Variants in NAALADL2 observed in about 807,000 individuals in gnomAD.
The protein encoded by NAALADL2 is inactive N-acetylated-alpha-linked acidic dipeptidase-like protein 2.
Under a neutral mutation model 87.2 loss-of-function variants are expected in NAALADL2, and 76 were observed. The observed-to-expected ratio is 0.87, with a 90% CI of 0.72 to 1.05. The LOEUF (loss-of-function observed/expected upper bound fraction) is 1.05. Ranked by LOEUF, NAALADL2 falls within the 50% of genes least tolerant of loss-of-function variation. NAALADL2 has a pLI of 0.00. For missense variants in NAALADL2, 1,089 were observed against 945.8 expected (o/e 1.15, Z -1.99); for synonymous variants, 354 against 331.0 (o/e 1.07, Z -0.75).
intron 4 of NAALADL2, among the ~76,000 whole-genome samples, chr3:175,287,550 A>G (rs934303248): frequency 2.6e-5 from 4 of 152,202 alleles, no homozygotes; most frequent in African/African-American, 7.2e-5. Context: ...CCCAGGTTAC[A>G]CAGATGATGA....
At position 175,781,681 on chromosome 3, in the gene NAALADL2, TAAA is replaced by T. The variant is rs373126687; in HGVS notation, c.2190-21317_2190-21315del. Among the ~76,000 whole-genome samples, 489 of 150,650 alleles carry T rather than the reference TAAA, an allele frequency of 3.2e-3. 2 individuals carry two copies. Among genetic ancestry groups the T allele is most frequent in the African/African-American group, 0.011 (464 of 41,124 alleles). ...AAAAAAAAAAAAAAAGTTTAAAAGGTAAAAAAAAATTAACATAACGCTTTTATT... is the reference window on the plus strand; with the variant it reads ...AAAAAAAAAAAAAAAGTTTAAAAGGTAAAAAATTAACATAACGCTTTTATT... On this transcript the variant is annotated intron_variant, in intron 13 of 13. Transcript: ENST00000454872.
intron 4 of NAALADL2, among the ~76,000 whole-genome samples, chr3:175,300,816 C>T (rs1309116043): frequency 3.3e-5 from 5 of 149,758 alleles, no homozygotes; most frequent in Non-Finnish European, 5.9e-5. Context: ...ATTTTGAGCT[C>T]ACTGCAACCT....
rs1681226770 is a variant in NAALADL2 at position 175,807,303 on chromosome 3, A to G, written c.*4100A>G. The G allele has an allele frequency of 6.6e-6, 1 of 151,982 alleles. No individual in the cohort carries two copies. Among genetic ancestry groups the G allele is most frequent in the South Asian group, 2.1e-4 (1 of 4,836 alleles). 9.4% of individuals were successfully genotyped at this position (151,982 alleles called of 1,614,324 possible). On this transcript the variant is annotated 3_prime_UTR_variant, in exon 14 of 14. Transcript: ENST00000454872. ...CGTAGAGCATATAGTAAGTTTCCCCACAGGAAAGACAGATGTTAACAAAAA... is the reference window on the plus strand; with the variant it reads ...CGTAGAGCATATAGTAAGTTTCCCCGCAGGAAAGACAGATGTTAACAAAAA...
chr3:175,776,665 A>C (rs1750286401), intron 13 of NAALADL2, among the ~76,000 whole-genome samples: 1 of 152,140 alleles, frequency 6.6e-6, no homozygotes, highest in African/African-American at 2.4e-5. Context: ...ATTTTGCTTA[A>C]TAAAAATTCT....
At chr3:175,570,782 A>G (rs1034944531) in intron 9 of NAALADL2, among the ~76,000 whole-genome samples, 1 of 150,984 alleles carries the variant, frequency 6.6e-6, no homozygotes, top group Non-Finnish European at 1.5e-5. Context: ...CGGGAGACTG[A>G]GGCAGGAGAA....
intron 9 of NAALADL2, among the ~76,000 whole-genome samples, chr3:175,482,177 A>G (rs1167906979): frequency 1.3e-5 from 2 of 152,130 alleles, no homozygotes; most frequent in South Asian, 4.1e-4. Flanking sequence ...CTCAGCATGA[A>G]TGTTAAAGTA....
At chr3:174,586,017 C>G (rs1716676051) in intron 2 of NAALADL2, among the ~76,000 whole-genome samples, 1 of 152,142 alleles carries the variant, frequency 6.6e-6, no homozygotes. Flanking sequence ...TGAAAAGTTT[C>G]TAGAATAGTG....
At chr3:174,839,836 A>AT (rs897921814) in intron 3 of NAALADL2, among the ~76,000 whole-genome samples, 7 of 151,456 alleles carry the variant, frequency 4.6e-5, no homozygotes, top group South Asian at 2.1e-4. Flanking sequence ...AATAAAAAAA[A>AT]AATAATAAAA....
intron 1 of NAALADL2, among the ~76,000 whole-genome samples, chr3:174,916,394 T>C (rs531085541): frequency 1.3e-5 from 2 of 152,230 alleles, no homozygotes; most frequent in Admixed American, 1.3e-4. Flanking sequence ...TAAGTCACTA[T>C]ATGAAAAAGA....
At chr3:174,517,851 T>A (rs1395387753) in intron 1 of NAALADL2, among the ~76,000 whole-genome samples, 2 of 152,158 alleles carry the variant, frequency 1.3e-5, no homozygotes, top group Non-Finnish European at 2.9e-5. Flanking sequence ...AAACAGAATG[T>A]CATTTTAAAA....
intron 4 of NAALADL2, among the ~76,000 whole-genome samples, chr3:175,295,154 A>G (rs914056466): frequency 6.6e-6 from 1 of 152,206 alleles, no homozygotes; most frequent in African/African-American, 2.4e-5. Context: ...AAATTCAGAA[A>G]TGAGATAATA....
intron 2 of NAALADL2, among the ~76,000 whole-genome samples, chr3:175,170,462 TATATATAAATATAATATA>T (rs1285673028): frequency 3.4e-5 from 5 of 146,692 alleles, no homozygotes; most frequent in Non-Finnish European, 3.0e-5. Context: ...ATAAATATAA[TATATATAAATATAATATA>T]ATATATAAAT....
At chr3:175,712,777 G>A (rs1275406447) in intron 11 of NAALADL2, among the ~76,000 whole-genome samples, 1 of 152,020 alleles carries the variant, frequency 6.6e-6, no homozygotes, top group Admixed American at 6.6e-5. Context: ...GGTGTTTGTT[G>A]TTCATAAGCC....
intron 2 of NAALADL2, among the ~76,000 whole-genome samples, chr3:175,215,338 A>G (rs529128909): frequency 6.6e-6 from 1 of 152,242 alleles, no homozygotes; most frequent in South Asian, 2.1e-4. Flanking sequence ...TTCTTTAACA[A>G]CATCCCAGCA....
intron 11 of NAALADL2, among the ~76,000 whole-genome samples, chr3:175,636,251 C>G (rs550976637): frequency 6.6e-6 from 1 of 152,058 alleles, no homozygotes; most frequent in African/African-American, 2.4e-5. Context: ...CTGCACATGA[C>G]CCTGAGAGTC....
At chr3:174,992,253 G>T (rs1248530122) in intron 1 of NAALADL2, among the ~76,000 whole-genome samples, 1 of 152,064 alleles carries the variant, frequency 6.6e-6, no homozygotes, top group South Asian at 2.1e-4. Context: ...CACAGTTGAA[G>T]ATTGAATTTT....
chr3:175,320,354 A>G (rs568540253), intron 4 of NAALADL2, among the ~76,000 whole-genome samples: 14 of 152,336 alleles, frequency 9.2e-5, no homozygotes, highest in African/African-American at 3.1e-4. Context: ...TTTACGTTAA[A>G]TATGTCTCAA....
chr3:174,964,222 G>T (rs1027447737), intron 1 of NAALADL2, among the ~76,000 whole-genome samples: 1 of 151,972 alleles, frequency 6.6e-6, no homozygotes, highest in Non-Finnish European at 1.5e-5. Context: ...ACCTAGCGCT[G>T]GTATGGAAAA....
chr3:174,831,569 C>CT (rs1256669996), intron 3 of NAALADL2, among the ~76,000 whole-genome samples: 4 of 150,134 alleles, frequency 2.7e-5, no homozygotes, highest in South Asian at 2.1e-4. Flanking sequence ...CTAAAATTCT[C>CT]TTTTTTTGTT....
Sources: allele counts gnomAD v4.1 joint callset (sites outside exome capture counted in the v4.1 genomes callset), GRCh38; gene constraint gnomAD v4.1.1; transcripts MANE v1.5; gene names NCBI Gene and HGNC (gene_info 2026-07-23, HGNC 2026-07-21).